The following C1GALT1 variants were observed in gnomAD, a reference collection of about 807,000 sequenced individuals.
C1GALT1 encodes the protein core 1 synthase, glycoprotein-N-acetylgalactosamine 3-beta-galactosyltransferase 1, also known as glycoprotein-N-acetylgalactosamine 3-beta-galactosyltransferase 1.
A neutral mutation model predicts 31.0 loss-of-function variants in C1GALT1; 11 were observed. The observed-to-expected ratio is 0.36, with a 90% CI of 0.22 to 0.59. The LOEUF (loss-of-function observed/expected upper bound fraction) is 0.59, where lower values mean the gene tolerates loss of function less well. Among genes scored for constraint, C1GALT1 ranks in the 20% least tolerant of loss-of-function variants. The probability of loss-of-function intolerance (pLI) is 0.79; values close to 1 mark genes in which losing one functional copy is unlikely to be tolerated. For missense variants in C1GALT1, 424 were observed against 425.2 expected (o/e 1.00, Z 0.03); for synonymous variants, 175 against 143.6 (o/e 1.22, Z -1.56).
At chr7:7,203,031 C>T (rs1206036405) in intron 1 of C1GALT1, among the ~76,000 whole-genome samples, 2 of 147,268 alleles carry the variant, frequency 1.4e-5, no homozygotes, top group Admixed American at 6.7e-5. Flanking sequence ...AAAAATGTAA[C>T]TCATTTTTGT....
intron 2 of C1GALT1, among the ~76,000 whole-genome samples, chr7:7,171,987 G>A (rs1780458543): frequency 1.3e-5 from 2 of 152,010 alleles, no homozygotes; most frequent in South Asian, 4.1e-4. Flanking sequence ...AAAATAAAAG[G>A]TAGAGTTACA....
rs1783937359 is a variant in C1GALT1, at chr7:7,248,576, G to A, written c.*4849G>A. On this transcript the variant is annotated 3_prime_UTR_variant, in exon 4 of 4. Coordinates refer to ENST00000436587, the MANE Select transcript of C1GALT1 (RefSeq NM_020156.5). The stretch of plus-strand genomic sequence containing the variant: ...AGTGCCTTTTGAACATTTTTAAACA[G>A]CGGATTTAAATAATGCATAAAATAA... 1 of 151,924 alleles carries A rather than the reference G, an allele frequency of 6.6e-6. No individual in the cohort carries two copies. Among genetic ancestry groups the A allele is most frequent in the African/African-American group, 2.4e-5 (1 of 41,398 alleles). 9.4% of individuals were successfully genotyped at this position (151,924 alleles called of 1,614,324 possible).
At chr7:7,241,366 C>G (rs1295601549) in intron 3 of C1GALT1, among the ~76,000 whole-genome samples, 1 of 152,008 alleles carries the variant, frequency 6.6e-6, no homozygotes, top group East Asian at 1.9e-4. Context: ...CATTTCTATG[C>G]CATTGTTCTC....
At chr7:7,165,480 A>G (rs1040689522) in intron 2 of C1GALT1, among the ~76,000 whole-genome samples, 5 of 152,328 alleles carry the variant, frequency 3.3e-5, no homozygotes, top group African/African-American at 7.2e-5. Context: ...AAAGACAAAC[A>G]TCATATCCAT....
rs1331356415 is a variant in C1GALT1, at chr7:7,234,477, A to G, written c.158A>G (p.Asp53Gly). Residue 53 changes from aspartate to glycine, a missense_variant, in exon 2 of 4, where the codon GAT becomes GGT. Physicochemically the swap from Asp to Gly is moderately conservative, Grantham distance 94 (BLOSUM62 -1). Transcript: ENST00000436587. Reference protein sequence around the residue: ...HNDPHARHSDDNGQNHLEGQM... With the variant: ...HNDPHARHSDGNGQNHLEGQM... ...GATCCTCATGCAAGGCATTCAGATGATAATGGACAGAATCATCTAGAAGGA... is the reference window on the plus strand; with the variant it reads ...GATCCTCATGCAAGGCATTCAGATGGTAATGGACAGAATCATCTAGAAGGA... 1.2e-6 allele frequency: 2 copies of G among 1,613,982 alleles called. No individual in the cohort carries two copies.
At chr7:7,175,829 A>G (rs1384830573) in intron 2 of C1GALT1, among the ~76,000 whole-genome samples, 1 of 151,720 alleles carries the variant, frequency 6.6e-6, no homozygotes, top group Non-Finnish European at 1.5e-5. Context: ...TGGTTTATAG[A>G]TGATAGGCTT....
chr7:7,233,376 A>C (rs1783181543), intron 1 of C1GALT1, among the ~76,000 whole-genome samples: 1 of 151,922 alleles, frequency 6.6e-6, no homozygotes, highest in Admixed American at 6.6e-5. Flanking sequence ...TGATTCTCCC[A>C]CCTTATTCTT....
upstream of C1GALT1, among the ~76,000 whole-genome samples, chr7:7,178,592 G>A (rs1398412294): frequency 6.6e-6 from 1 of 152,158 alleles, no homozygotes; most frequent in Non-Finnish European, 1.5e-5. Flanking sequence ...AACTGGCAAA[G>A]TTTAGCTCTC....
intron 2 of C1GALT1, among the ~76,000 whole-genome samples, chr7:7,236,999 G>C (rs1783390285): frequency 6.6e-6 from 1 of 152,154 alleles, no homozygotes; most frequent in Non-Finnish European, 1.5e-5. Context: ...CCAGAACATT[G>C]CTACTGAAAG....
chr7:7,161,219 CTCAGAAACG>C (rs2128226363), intron 2 of C1GALT1, among the ~76,000 whole-genome samples: 1 of 152,186 alleles, frequency 6.6e-6, no homozygotes, highest in South Asian at 2.1e-4. Flanking sequence ...GACTCAAATT[CTCAGAAACG>C]TTTGCTTCTA....
chr7:7,224,079 C>T (rs1037753618), intron 1 of C1GALT1, among the ~76,000 whole-genome samples: 1 of 151,984 alleles, frequency 6.6e-6, no homozygotes, highest in Non-Finnish European at 1.5e-5. Context: ...AATGTTGAAC[C>T]ATCCTTACAT....
intron 1 of C1GALT1, among the ~76,000 whole-genome samples, chr7:7,191,229 A>G (rs902812301): frequency 6.6e-6 from 1 of 152,118 alleles, no homozygotes. Flanking sequence ...TGTAGGTGGA[A>G]TTGTGCATTA....
chr7:7,200,771 C>G (rs1054204191), intron 1 of C1GALT1, among the ~76,000 whole-genome samples: 1 of 152,202 alleles, frequency 6.6e-6, no homozygotes, highest in South Asian at 2.1e-4. Flanking sequence ...GATACTCTTT[C>G]TTCCACCTGA....
intron 2 of C1GALT1, 171 bp downstream of exon 2, chr7:7,234,710 A>C: frequency 1.8e-6 from 1 of 551,156 alleles, no homozygotes; most frequent in Non-Finnish European, 3.2e-6. Context: ...TATTTAGGGA[A>C]TAAGATATTA....
At chr7:7,188,781 T>C (rs973948945) in intron 1 of C1GALT1, among the ~76,000 whole-genome samples, 2 of 152,180 alleles carry the variant, frequency 1.3e-5, no homozygotes, top group African/African-American at 4.8e-5. Flanking sequence ...TTTTATCTTA[T>C]ACAGTTGTTA....
chr7:7,187,581 G>C (rs1780876893), intron 1 of C1GALT1, among the ~76,000 whole-genome samples: 1 of 152,230 alleles, frequency 6.6e-6, no homozygotes, highest in Non-Finnish European at 1.5e-5. Context: ...CTGGCATCTA[G>C]TGAGTAAAGG....
upstream of C1GALT1, among the ~76,000 whole-genome samples, chr7:7,179,175 A>G (rs1383657678): frequency 3.9e-5 from 6 of 152,232 alleles, no homozygotes. Context: ...ACCTGGCCCC[A>G]ACAAGTAATC....
At position 7,247,883 on chromosome 7, in the gene C1GALT1, A is replaced by G. The variant is rs1278040232; in HGVS notation, c.*4156A>G. ...AGGGTTCCCTATGAAATTGAAAGTA[A>G]AAGTCTAAGAATAATGCCTGCTGGC... On this transcript the variant is annotated 3_prime_UTR_variant, in exon 4 of 4. Transcript: ENST00000436587. The G allele has an allele frequency of 6.6e-6, 1 of 152,058 alleles. No individual in the cohort carries two copies. Among genetic ancestry groups the G allele is most frequent in the Non-Finnish European group, 1.5e-5 (1 of 67,910 alleles). The allele number at this position is 152,058 out of a possible 1,614,324, so 9.4% of individuals were successfully genotyped here. A position where few individuals can be genotyped will look rare whatever the true frequency, so the allele number is the denominator to read the frequency against.
intron 1 of C1GALT1, among the ~76,000 whole-genome samples, chr7:7,221,535 T>C (rs1782511647): frequency 1.3e-5 from 2 of 152,248 alleles, no homozygotes; most frequent in Admixed American, 1.3e-4. Context: ...GATTGATAAC[T>C]GGTGTTGGTA....
Sources: gnomAD v4.1 joint callset for allele counts (sites outside exome capture counted in the v4.1 genomes callset) on GRCh38, gnomAD v4.1.1 for gene constraint, MANE v1.5 for transcripts, NCBI Gene and HGNC (gene_info 2026-07-23, HGNC 2026-07-21) for gene names.